The following STYXL1 variants were observed in gnomAD, a reference collection of about 807,000 sequenced individuals.
STYXL1 encodes the protein serine/threonine/tyrosine-interacting-like protein 1.
In STYXL1, 32 loss-of-function variants were observed where a neutral mutation model predicts 36.4. That is an observed-to-expected ratio of 0.88 (90% confidence interval 0.66 to 1.18). The LOEUF is 1.18. STYXL1 is among the 50% of genes most tolerant of loss of function. The pLI, the probability that STYXL1 is intolerant of heterozygous loss-of-function variation, is 0.00. For missense variants in STYXL1, 354 were observed against 394.1 expected (o/e 0.90, Z 0.86); for synonymous variants, 133 against 144.1 (o/e 0.92, Z 0.55).
At chr7:76,031,152 CTCTG>C (rs1439838022) in intron 1 of STYXL1, among the ~76,000 whole-genome samples, 4 of 149,470 alleles carry the variant, frequency 2.7e-5, no homozygotes, top group African/African-American at 7.4e-5. Flanking sequence ...CAGAGCGAGA[CTCTG>C]TCTAAAATAA....
Position 76,047,952 on chromosome 7 carries a change from C to G in STYXL1, c.-295G>C. 1 of 1,454,682 alleles carries G rather than the reference C, an allele frequency of 6.9e-7. No individual in the cohort carries two copies. The highest frequency in any genetic ancestry group is 9.1e-7 in the Non-Finnish European group (1 of 1,104,314). The allele number at this position is 1,454,682 out of a possible 1,614,324, so 90.1% of individuals were successfully genotyped here. ...GCTACGCTAGAACCCAGCCAAACAC[C>G]GGGGTTGCCAGGATGGTCCCACAGC... On this transcript the variant is annotated 5_prime_UTR_variant, in exon 1 of 9. Coordinates refer to ENST00000359697, the MANE Select transcript of STYXL1 (RefSeq NM_001317785.2).
In STYXL1 at chr7:76,030,456, G is replaced by C; in HGVS notation, c.68C>G (p.Ser23Cys). The change falls in exon 2 of 9, where the codon TCC becomes TGC. Residue 23 changes from serine (S) to cysteine (C), a missense_variant. Transcript: ENST00000359697. ...YNILNQATKL[S>C]RLTDPNYLCL... ...GAGATAGTTGGGGTCTGTTAATCTG[G>C]AGAGTTTTGTGGCCTGATTCAGGAT... is the stretch of plus-strand genomic sequence containing the variant. The C allele has an allele frequency of 6.2e-7, 1 of 1,613,924 alleles. No individual in the cohort carries two copies. Among genetic ancestry groups the C allele is most frequent in the Non-Finnish European group, 8.5e-7 (1 of 1,179,858 alleles).
intron 1 of STYXL1, among the ~76,000 whole-genome samples, chr7:76,040,374 G>C (rs1405883921): frequency 1.3e-5 from 2 of 152,126 alleles, no homozygotes; most frequent in African/African-American, 4.8e-5. Context: ...CTGACAGAAG[G>C]CTTCACTGCA....
At chr7:76,037,507 C>T (rs1796034800) in intron 1 of STYXL1, among the ~76,000 whole-genome samples, 1 of 149,968 alleles carries the variant, frequency 6.7e-6, no homozygotes, top group African/African-American at 2.4e-5. Context: ...TAGAGGTTGC[C>T]AGAGCCTGTG....
intron 4 of STYXL1, among the ~76,000 whole-genome samples, 181 bp downstream of exon 4, chr7:76,021,670 C>T (rs1426984429): frequency 6.6e-6 from 1 of 152,156 alleles, no homozygotes; most frequent in Non-Finnish European, 1.5e-5. Context: ...TATTTGAGGG[C>T]CTCCTCCCAT....
chr7:76,020,461 A>C (rs1793927228), intron 4 of STYXL1, among the ~76,000 whole-genome samples: 1 of 152,188 alleles, frequency 6.6e-6, no homozygotes, highest in African/African-American at 2.4e-5. Context: ...CAGAGGTTCG[A>C]TGGAGCACAT....
At chr7:76,026,439 T>G (rs1202535976) in intron 3 of STYXL1, among the ~76,000 whole-genome samples, 4 of 151,622 alleles carry the variant, frequency 2.6e-5, no homozygotes, top group African/African-American at 9.7e-5. Flanking sequence ...CCCACCACAC[T>G]GAGTTAATTT....
chr7:76,045,048 CG>C (rs1310029416), intron 1 of STYXL1: 2 of 152,152 alleles, frequency 1.3e-5, no homozygotes, highest in African/African-American at 2.4e-5. Context: ...CCATCTAAAA[CG>C]GAACTCTTTA....
At chr7:76,043,218 T>C (rs1326182405) in intron 1 of STYXL1, among the ~76,000 whole-genome samples, 2 of 152,088 alleles carry the variant, frequency 1.3e-5, no homozygotes, top group African/African-American at 4.8e-5. Context: ...CTCGGCTCAC[T>C]GCAACCTCTG....
At chr7:76,016,352 C>A (rs1401199911) in intron 4 of STYXL1, among the ~76,000 whole-genome samples, 1 of 149,460 alleles carries the variant, frequency 6.7e-6, no homozygotes, top group South Asian at 2.1e-4. Context: ...ACACGTATAT[C>A]TATACGTATG....
intron 5 of STYXL1, among the ~76,000 whole-genome samples, chr7:76,005,914 G>C (rs1260749218): frequency 3.4e-5 from 5 of 146,768 alleles, no homozygotes; most frequent in African/African-American, 1.3e-4. Flanking sequence ...GGAGGAGGAG[G>C]AGGAGGAGGG....
intron 8 of STYXL1, among the ~76,000 whole-genome samples, chr7:76,000,679 G>A (rs1790782710): frequency 6.6e-6 from 1 of 152,214 alleles, no homozygotes; most frequent in South Asian, 2.1e-4. Context: ...TGAGTCCCTG[G>A]GCCAGCCCTG....
chr7:76,039,692 G>A (rs1385025273), intron 1 of STYXL1, among the ~76,000 whole-genome samples: 1 of 152,066 alleles, frequency 6.6e-6, no homozygotes, highest in African/African-American at 2.4e-5. Context: ...CTGTTGCTGA[G>A]GCTGGGGTGC....
chr7:76,001,130 G>A (rs140053129), intron 7 of STYXL1, 128 bp from the exon 8 acceptor site: 51 of 688,328 alleles, frequency 7.4e-5, no homozygotes, highest in African/African-American at 6.3e-4. Flanking sequence ...ACGTGACCTC[G>A]GCAAGTCCCA....
chr7:76,000,218 C>CAAAAAAAAAAA (rs35153306), intron 8 of STYXL1, among the ~76,000 whole-genome samples: 1 of 69,462 alleles, frequency 1.4e-5, no homozygotes, highest in African/African-American at 5.5e-5. Context: ...GACTCCATCT[C>CAAAAAAAAAAA]AAAAAAAAAA....
chr7:76,034,154 G>A (rs548701664), intron 1 of STYXL1, among the ~76,000 whole-genome samples: 1 of 152,300 alleles, frequency 6.6e-6, no homozygotes, highest in African/African-American at 2.4e-5. Context: ...CCATGTTGGA[G>A]TGCAGTGGCA....
At chr7:76,021,080 A>ATTTTTTTTTTTTTTTTTTTTTT (rs200072611) in intron 4 of STYXL1, among the ~76,000 whole-genome samples, 68 of 144,886 alleles carry the variant, frequency 4.7e-4, no homozygotes, top group African/African-American at 1.6e-3. Context: ...TGTTACAAGA[A>ATTTTTTTTTTTTTTTTTTTTTT]TTTTTTTTTT....
At chr7:76,043,315 G>T (rs1554582624) in intron 1 of STYXL1, among the ~76,000 whole-genome samples, 1 of 151,856 alleles carries the variant, frequency 6.6e-6, no homozygotes, top group African/African-American at 2.4e-5. Flanking sequence ...CTAATTTTTT[G>T]TATTTGTAGA....
chr7:75,997,732 A>AAC (rs1304257190), intron 8 of STYXL1, among the ~76,000 whole-genome samples: 4 of 151,796 alleles, frequency 2.6e-5, no homozygotes, highest in Non-Finnish European at 2.9e-5. Flanking sequence ...ACACACACAC[A>AAC]ACACACACAC....
Sources: allele counts gnomAD v4.1 joint callset (sites outside exome capture counted in the v4.1 genomes callset), GRCh38; gene constraint gnomAD v4.1.1; transcripts MANE v1.5; gene names NCBI Gene and HGNC (gene_info 2026-07-23, HGNC 2026-07-21).